Variants in MDN1 observed in about 807,000 individuals in gnomAD.
MDN1 encodes the protein midasin AAA ATPase 1, also known as midasin.
A neutral mutation model predicts 669.2 loss-of-function variants in MDN1; 266 were observed. The ratio of observed to expected loss-of-function variants is 0.40; its 90% confidence interval spans 0.36 to 0.44. The LOEUF is 0.44. MDN1 is among the 20% of genes least tolerant of loss of function. MDN1 has a pLI of 1.00. For synonymous variants in MDN1, 2,385 were observed against 2,457.1 expected, an observed-to-expected ratio of 0.97 and a Z score of 0.87; for missense variants, 5,940 against 6,754.0, an observed-to-expected ratio of 0.88 and a Z score of 4.22.
rs964147030 is a variant in MDN1 at position 89,718,822 on chromosome 6, A to G, written c.6266T>C (p.Ile2089Thr). The part of the protein sequence containing the change: ...LAHLTGHTLK[I>T]MAMNSAMDTT... ...ATCCATTGCACTGTTCATAGCCATG[A>G]TCTTTAATGTGTGGCCAGTAAGGTG... The change falls in exon 42 of 102, where the codon ATC (isoleucine) becomes ACC (threonine). Residue 2089 changes from isoleucine (I) to threonine (T), a missense_variant. Ile to Thr is a moderately conservative substitution (Grantham distance 89). Transcript: ENST00000369393. The G allele has an allele frequency of 1.2e-6, 2 of 1,614,088 alleles. No homozygotes were observed. Among genetic ancestry groups the G allele is most frequent in the Non-Finnish European group, 1.7e-6 (2 of 1,180,052 alleles).
In MDN1 at chr6:89,667,972, A is replaced by T. The variant is rs762673310; in HGVS notation, c.14094+42T>A. 27 of 1,598,106 alleles carry T rather than the reference A, an allele frequency of 1.7e-5. No homozygotes were observed. In the East Asian group the frequency reaches 5.4e-4, roughly 32 times the overall value. On this transcript the variant is annotated intron_variant, in intron 84 of 101. Transcript: ENST00000369393. ...TGTAACTTACATGTTGAAAAGAAAG[A>T]GAGTGATCTTCTGTCAACTGTATAC... is the stretch of plus-strand genomic sequence containing the variant.
rs763966676 is a variant in MDN1, at chr6:89,790,158, C to T, written c.1098+1G>A. 1 of 1,613,900 alleles carries T rather than the reference C, an allele frequency of 6.2e-7. No homozygotes were observed. Among genetic ancestry groups the T allele is most frequent in the Non-Finnish European group, 8.5e-7 (1 of 1,179,982 alleles). On this transcript the variant is annotated splice_donor_variant, in intron 6 of 101. Transcript: ENST00000369393. LOFTEE classifies it high-confidence loss of function. ...ACCAAAACTTAACATTTCCTTATTA[C>T]CTTACTGTCAGTCTGATCTCCAAGC...
At chr6:89,646,937 C>CA (rs1201486039) in intron 99 of MDN1, among the ~76,000 whole-genome samples, 1 of 152,128 alleles carries the variant, frequency 6.6e-6, no homozygotes, top group Non-Finnish European at 1.5e-5. Flanking sequence ...AGGTATGTGC[C>CA]ACCACACCTG....
intron 27 of MDN1, 67 bp downstream of exon 27, chr6:89,747,262 T>C: frequency 6.4e-7 from 1 of 1,555,494 alleles, no homozygotes; most frequent in Non-Finnish European, 8.7e-7. Context: ...TGAGGCAAGA[T>C]TTGTTTTAAT....
At chr6:89,734,561 G>A (rs946555385) in intron 33 of MDN1, among the ~76,000 whole-genome samples, 2 of 151,488 alleles carry the variant, frequency 1.3e-5, no homozygotes, top group Non-Finnish European at 2.9e-5. Flanking sequence ...TTGGGAGGGT[G>A]AGGTGGGAGA....
intron 16 of MDN1, 89 bp downstream of exon 16, chr6:89,762,230 T>C: frequency 9.1e-7 from 1 of 1,094,598 alleles, no homozygotes; most frequent in East Asian, 2.4e-5. Flanking sequence ...AGCTCCAATT[T>C]GTATCGCTTT....
chr6:89,725,445 T>A, intron 37 of MDN1, 49 bp from the exon 38 acceptor site: 1 of 1,469,306 alleles, frequency 6.8e-7, no homozygotes. Flanking sequence ...ATTATACAAC[T>A]GCAACAAAAA....
chr6:89,793,780 C>G lies in MDN1; in HGVS notation c.837G>C (p.Leu279=). Residue 279 remains leucine, a synonymous_variant, in exon 5 of 102, where the codon CTG becomes CTC. Transcript: ENST00000369393. ...AVCGVVLPGQ[L]PAPGELGGNR... ...AACATACCAGCTCTCCAGGGGCTGG[C>G]AGCTGCCCAGGCAGCACCACACCAC... The G allele has an allele frequency of 6.2e-7, 1 of 1,613,652 alleles. No individual in the cohort carries two copies. Among genetic ancestry groups the G allele is most frequent in the South Asian group, 1.1e-5 (1 of 91,026 alleles).
intron 35 of MDN1, among the ~76,000 whole-genome samples, chr6:89,729,828 T>A (rs1815481316): frequency 6.6e-6 from 1 of 152,154 alleles, no homozygotes; most frequent in African/African-American, 2.4e-5. Context: ...AGTCCTATGA[T>A]GGTGGCTTAG....
At chr6:89,688,196 A>G (rs1812149778) in intron 66 of MDN1, 23 bp from the exon 67 acceptor site, 9 of 1,598,864 alleles carry the variant, frequency 5.6e-6, no homozygotes, top group Non-Finnish European at 7.7e-6. Flanking sequence ...AGATTTGGGT[A>G]TCTCAGTAGG....
rs753615928 is a variant in MDN1 at position 89,803,322 on chromosome 6, A to G, written c.329+6T>C. On this transcript the variant is annotated splice_donor_region_variant and intron_variant, in intron 2 of 101. Coordinates refer to ENST00000369393, the MANE Select transcript of MDN1 (RefSeq NM_014611.3). ...GAGAAATGCGAATAATAAAATTGCT[A>G]CTCACGGGAGGACATCAGGATGGTT... 1.2e-6 allele frequency: 2 copies of G among 1,610,762 alleles called. No homozygotes were observed. The highest frequency in any genetic ancestry group is 2.2e-5 in the South Asian group (2 of 91,024).
At chr6:89,751,294 C>G in intron 23 of MDN1, 137 bp downstream of exon 23, 2 of 1,144,694 alleles carry the variant, frequency 1.7e-6, no homozygotes, top group Non-Finnish European at 1.2e-6. Context: ...AGTTATAGTA[C>G]TGACTTTTGT....
intron 53 of MDN1, among the ~76,000 whole-genome samples, chr6:89,705,825 G>A (rs547802547): frequency 2.0e-5 from 3 of 152,068 alleles, no homozygotes; most frequent in Non-Finnish European, 4.4e-5. Context: ...GGTTTCACAG[G>A]TGTATACATG....
intron 55 of MDN1, among the ~76,000 whole-genome samples, chr6:89,701,126 T>C (rs1159426044): frequency 1.3e-5 from 2 of 152,230 alleles, no homozygotes; most frequent in Non-Finnish European, 2.9e-5. Context: ...CCTCTTGTTA[T>C]GTGCGGGTTC....
intron 88 of MDN1, among the ~76,000 whole-genome samples, chr6:89,660,791 G>A (rs1809691423): frequency 6.6e-6 from 1 of 151,952 alleles, no homozygotes; most frequent in Non-Finnish European, 1.5e-5. Flanking sequence ...CTATGTAACT[G>A]ACTCATTTAT....
Position 89,743,179 on chromosome 6 carries a change from G to A in MDN1, c.4419C>T (p.Ala1473=), listed in dbSNP as rs1295861846. The A allele has an allele frequency of 3.7e-6, 6 of 1,613,914 alleles. No homozygotes were observed. Among genetic ancestry groups the A allele is most frequent in the Admixed American group, 3.3e-5 (2 of 59,996 alleles). The change falls in exon 31 of 102, where the codon GCC becomes GCT. Residue 1473 remains alanine (A), a synonymous_variant. Coordinates refer to ENST00000369393, the MANE Select transcript of MDN1 (RefSeq NM_014611.3). ...TGAGTCTTTCCAAGACAGAGTCATC[G>A]GCCAATGAGATCTCATCCAAGAGGA... The part of the protein sequence containing the change: ...GFFLLDEISL[A]DDSVLERLNS...
chr6:89,712,002 C>A, intron 49 of MDN1, 34 bp downstream of exon 49: 1 of 1,546,992 alleles, frequency 6.5e-7, no homozygotes, highest in South Asian at 1.2e-5. Flanking sequence ...GTATATAAAT[C>A]ACATCAGTGG....
chr6:89,727,093 A>G (rs1815283534), intron 37 of MDN1, among the ~76,000 whole-genome samples: 1 of 152,158 alleles, frequency 6.6e-6, no homozygotes, highest in Admixed American at 6.5e-5. Flanking sequence ...AAAAAATCTG[A>G]AAAATGGAAA....
Position 89,760,039 on chromosome 6 carries a change from T to A in MDN1, c.2461-1079A>T, listed in dbSNP as rs934064134. On this transcript the variant is annotated intron_variant, in intron 17 of 101. Transcript: ENST00000369393. ...GTGAGCCAAGATTGCACCACCGCACTCCAGCCTGGGTGACAGAGTCAGACT... is the reference window on the plus strand; with the variant it reads ...GTGAGCCAAGATTGCACCACCGCACACCAGCCTGGGTGACAGAGTCAGACT... Among the ~76,000 whole-genome samples, 4 of 152,062 alleles carry A rather than the reference T, an allele frequency of 2.6e-5. No homozygotes were observed. In the East Asian group the frequency reaches 5.8e-4, roughly 22 times the overall value.
Sources: gnomAD v4.1 joint callset for allele counts (sites outside exome capture counted in the v4.1 genomes callset) on GRCh38, gnomAD v4.1.1 for gene constraint, MANE v1.5 for transcripts, NCBI Gene and HGNC (gene_info 2026-07-23, HGNC 2026-07-21) for gene names.